Variants in LRIG1 observed in about 807,000 individuals in gnomAD.
LRIG1 encodes the protein leucine-rich repeats and immunoglobulin-like domains protein 1.
LRIG1 carries 48 observed loss-of-function variants against 99.2 expected under a neutral mutation model. The observed-to-expected ratio is 0.48, with a 90% CI of 0.38 to 0.62. The LOEUF (loss-of-function observed/expected upper bound fraction) is 0.62. Among genes scored for constraint, LRIG1 ranks in the 20% least tolerant of loss-of-function variants. LRIG1 has a pLI of 0.00. For synonymous variants in LRIG1, 772 were observed against 596.1 expected, an observed-to-expected ratio of 1.29 and a Z score of -4.30; for missense variants, 1,646 against 1,434.4, an observed-to-expected ratio of 1.15 and a Z score of -2.38.
At chr3:66,381,692 T>C (rs1212130640) in intron 16 of LRIG1, 61 bp from the exon 17 acceptor site, 6 of 1,562,182 alleles carry the variant, frequency 3.8e-6, no homozygotes, top group Admixed American at 3.5e-5. Context: ...GTAAGCCTTA[T>C]GAAAGGAATG....
At chr3:66,401,663 G>A (rs1257279315) in intron 9 of LRIG1, 3 of 1,529,962 alleles carry the variant, frequency 2.0e-6, no homozygotes, top group South Asian at 1.2e-5. Flanking sequence ...AGCAGACTGG[G>A]ATGGCTCTAA....
intron 4 of LRIG1, 114 bp downstream of exon 4, chr3:66,417,015 G>A (rs1170786701): frequency 1.5e-5 from 21 of 1,404,412 alleles, no homozygotes; most frequent in African/African-American, 2.8e-5. Context: ...CGGCCCAGCC[G>A]TGGTTGAGAA....
chr3:66,479,761 C>T (rs145718397), intron 1 of LRIG1, among the ~76,000 whole-genome samples: 1 of 152,178 alleles, frequency 6.6e-6, no homozygotes, highest in Non-Finnish European at 1.5e-5. Context: ...AACACACCCA[C>T]TAGGATGGCT....
intron 1 of LRIG1, among the ~76,000 whole-genome samples, chr3:66,493,595 A>C (rs1406587811): frequency 6.6e-6 from 1 of 152,154 alleles, no homozygotes; most frequent in Admixed American, 6.5e-5. Context: ...CCTTCACAGC[A>C]GAAAGGTAAA....
intron 1 of LRIG1, among the ~76,000 whole-genome samples, chr3:66,470,924 A>G (rs1270530315): frequency 6.6e-6 from 1 of 152,208 alleles, no homozygotes; most frequent in Non-Finnish European, 1.5e-5. Flanking sequence ...GCAGTTTAGT[A>G]CTGAGGAAAG....
At position 66,383,371 on chromosome 3, in the gene LRIG1, T is replaced by G; in HGVS notation, c.2102A>C (p.Asp701Ala). The change falls in exon 15 of 19, where the codon GAC (aspartate) becomes GCC (alanine). Residue 701 changes from aspartate to alanine, a missense_variant. Transcript: ENST00000273261. ...TGTTTCTCCCACAGATACCACACGG[T>G]CTTCCAAGGGGACCACCAAGGATGG... ...ETPSLVVPLE[D>A]RVVSVGETVA... 1.3e-6 allele frequency: 2 copies of G among 1,571,660 alleles called. No homozygotes were observed. The highest frequency in any genetic ancestry group is 1.7e-6 in the Non-Finnish European group (2 of 1,153,600).
chr3:66,407,630 C>T (rs1702322398), intron 7 of LRIG1, 139 bp from the exon 8 acceptor site: 1 of 823,090 alleles, frequency 1.2e-6, no homozygotes, highest in Admixed American at 2.5e-5. Context: ...CGTGCACACA[C>T]ACACCCACAC....
At chr3:66,381,767 G>C in intron 16 of LRIG1, 136 bp from the exon 17 acceptor site, 1 of 938,532 alleles carries the variant, frequency 1.1e-6, no homozygotes, top group South Asian at 1.7e-5. Context: ...CTGCTGGTCT[G>C]GCAAGCAGCG....
In LRIG1 at chr3:66,381,509, C is replaced by T; in HGVS notation, c.2740G>A (p.Ala914Thr). ...HKEPWKAMEKAEGTPGPHKME... is the reference protein window; with the variant it reads ...HKEPWKAMEKTEGTPGPHKME... ...TTATGTGGCCCAGGTGTCCCTTCAG[C>T]TTTCTCCATCGCTTTCCACGGCTCT... The change falls in exon 17 of 19, where the codon GCT becomes ACT. Residue 914 changes from alanine to threonine, a missense_variant. Coordinates refer to ENST00000273261, the MANE Select transcript of LRIG1 (RefSeq NM_015541.3). The T allele has an allele frequency of 6.2e-7, 1 of 1,613,998 alleles. No individual in the cohort carries two copies. The highest frequency in any genetic ancestry group is 8.5e-7 in the Non-Finnish European group (1 of 1,179,860).
chr3:66,382,966 G>T lies in LRIG1; in HGVS notation c.2491+16C>A. On this transcript the variant is annotated intron_variant, in intron 15 of 18. Transcript: ENST00000273261. ...TCCTCCCTCCTTGAAAGTCAGCTCC[G>T]CTGGCAGGGCCTGACCTGTGTTGGT... is the stretch of plus-strand genomic sequence containing the variant. The T allele has an allele frequency of 1.3e-6, 2 of 1,580,320 alleles. No individual in the cohort carries two copies. Among genetic ancestry groups the T allele is most frequent in the Non-Finnish European group, 1.7e-6 (2 of 1,157,748 alleles).
At chr3:66,468,680 A>G (rs1404132396) in intron 1 of LRIG1, among the ~76,000 whole-genome samples, 2 of 152,214 alleles carry the variant, frequency 1.3e-5, no homozygotes, top group Non-Finnish European at 2.9e-5. Context: ...TCTCAACCTC[A>G]GAACGTGCAC....
At chr3:66,478,032 G>T (rs111323411) in intron 1 of LRIG1, among the ~76,000 whole-genome samples, 3 of 152,132 alleles carry the variant, frequency 2.0e-5, no homozygotes, top group African/African-American at 4.8e-5. Context: ...CTTCAAGGCC[G>T]CATCAACATC....
chr3:66,405,770 G>A, intron 8 of LRIG1: 1 of 1,180,546 alleles, frequency 8.5e-7, no homozygotes. Flanking sequence ...TGGGTCTGGA[G>A]CCCGGAGCCC....
At position 66,380,785 on chromosome 3, in the gene LRIG1, G is replaced by A; in HGVS notation, c.2847C>T (p.Pro949=). Residue 949 remains proline (P), a synonymous_variant, in exon 18 of 19, where the codon CCC becomes CCT. Transcript: ENST00000273261. The stretch of plus-strand genomic sequence containing the variant: ...GTGCGCTGTCTCTGGACACAGGCTG[G>A]GGGTGGAAGGCTTGTCCCCTGGAGT... ...DCYSRGQAFH[P]QPVSRDSAQP... is the part of the protein sequence containing the mutation. 1 of 1,614,214 alleles carries A rather than the reference G, an allele frequency of 6.2e-7. No individual in the cohort carries two copies. The highest frequency in any genetic ancestry group is 8.5e-7 in the Non-Finnish European group (1 of 1,180,048).
chr3:66,424,067 C>T (rs1575679621), intron 3 of LRIG1, among the ~76,000 whole-genome samples: 7 of 152,314 alleles, frequency 4.6e-5, no homozygotes, highest in Admixed American at 4.6e-4. Context: ...TGACTCAGAG[C>T]TCTCACTCTT....
intron 3 of LRIG1, among the ~76,000 whole-genome samples, chr3:66,441,133 C>G (rs1225306696): frequency 6.6e-6 from 1 of 152,152 alleles, no homozygotes; most frequent in Admixed American, 6.5e-5. Context: ...TGGGCAGAAG[C>G]CAGTGGCCCC....
chr3:66,411,892 T>G (rs1312682651), intron 6 of LRIG1, among the ~76,000 whole-genome samples: 1 of 136,382 alleles, frequency 7.3e-6, no homozygotes, highest in East Asian at 2.4e-4. Flanking sequence ...GGCTTAGAAG[T>G]GCTTGCCTCT....
Position 66,385,969 on chromosome 3 carries a change from GT to G in LRIG1, c.1789+11del. On this transcript the variant is annotated intron_variant, in intron 13 of 18. Transcript: ENST00000273261. ...GGATTCTGGTACTATAACAAAGATG[GT>G]GTTTCCATACCATTCACGGTGAGCC... 6.2e-7 allele frequency: 1 copy of G among 1,608,528 alleles called. No individual in the cohort carries two copies. The highest frequency in any genetic ancestry group is 8.5e-7 in the Non-Finnish European group (1 of 1,176,040).
chr3:66,442,180 G>T (rs3856595), intron 3 of LRIG1, among the ~76,000 whole-genome samples: 50,836 of 152,034 alleles, frequency 0.33, 9,927 homozygotes, highest in Middle Eastern at 0.47. Flanking sequence ...AACAAGCAGG[G>T]GGAATCCAAT....
Sources: gnomAD v4.1 joint callset for allele counts (sites outside exome capture counted in the v4.1 genomes callset) on GRCh38, gnomAD v4.1.1 for gene constraint, MANE v1.5 for transcripts, NCBI Gene and HGNC (gene_info 2026-07-23, HGNC 2026-07-21) for gene names.